ZFHX3: variants seen among roughly 807,000 people sequenced by gnomAD.
The protein encoded by ZFHX3 is zinc finger homeobox protein 3.
Under a neutral mutation model 279.1 loss-of-function variants are expected in ZFHX3, and 42 were observed. The observed-to-expected ratio is 0.15, with a 90% CI of 0.12 to 0.19. The LOEUF is 0.19. Ranked by LOEUF, ZFHX3 falls within the 10% of genes least tolerant of loss-of-function variation. The probability of loss-of-function intolerance (pLI) is 1.00; values close to 1 mark genes in which losing one functional copy is unlikely to be tolerated. For missense variants in ZFHX3, 4,981 were observed against 4,754.0 expected (o/e 1.05, Z -1.40); for synonymous variants, 2,293 against 1,957.8 (o/e 1.17, Z -4.52).
chr16:73,516,732 C>A (rs1364426137), intron 2 of ZFHX3, among the ~76,000 whole-genome samples: 2 of 152,184 alleles, frequency 1.3e-5, no homozygotes, highest in African/African-American at 4.8e-5. Flanking sequence ...AGTGCAGGAG[C>A]TCTGTCTGAC....
rs73600850 is a variant in ZFHX3, at chr16:73,510,948, T to C, written c.-1546-54690A>G. Among the ~76,000 whole-genome samples the C allele has an allele frequency of 1.1e-3, 161 of 152,358 alleles. 1 individual carries two copies. Among genetic ancestry groups the C allele is most frequent in the African/African-American group, 3.7e-3 (153 of 41,592 alleles). Reference sequence around the variant, plus strand: ...TTCTAGCAATTAATGTGATGGTTAATTATGCACAGGCTTTGACCAGATTTT... The same window carrying C: ...TTCTAGCAATTAATGTGATGGTTAACTATGCACAGGCTTTGACCAGATTTT... On this transcript the variant is annotated intron_variant, in intron 2 of 17. Coordinates refer to the ZFHX3 transcript ENST00000641206.
chr16:73,556,820 G>A (rs2020290431), intron 2 of ZFHX3, among the ~76,000 whole-genome samples: 1 of 151,794 alleles, frequency 6.6e-6, no homozygotes, highest in Admixed American at 6.6e-5. Flanking sequence ...GTGAGGCCGG[G>A]CGCGGTGGCT....
rs540537743 is a variant in ZFHX3 at position 73,008,089 on chromosome 16, A to G, written c.-50+39663T>C. Among the ~76,000 whole-genome samples the G allele has an allele frequency of 9.9e-5, 15 of 152,260 alleles. No individual in the cohort carries two copies. In the East Asian group the frequency reaches 2.7e-3, roughly 27 times the overall value. ...TTTTATCTGTTTTTCTAATTCATTA[A>G]TATCACTTTTATCTTACAATTCTTT... On this transcript the variant is annotated intron_variant, in intron 1 of 9. Coordinates refer to ENST00000268489, the MANE Select transcript of ZFHX3 (RefSeq NM_006885.4).
chr16:73,157,045 G>C (rs568114264), intron 5 of ZFHX3, among the ~76,000 whole-genome samples: 2 of 151,716 alleles, frequency 1.3e-5, no homozygotes, highest in Admixed American at 6.6e-5. Flanking sequence ...TTGTAGAGAC[G>C]AGTTCTCACT....
At chr16:73,256,495 G>T (rs2013665367) in intron 5 of ZFHX3, among the ~76,000 whole-genome samples, 1 of 152,188 alleles carries the variant, frequency 6.6e-6, no homozygotes, top group African/African-American at 2.4e-5. Flanking sequence ...TTCAAAAAAA[G>T]CAGATTTCTG....
chr16:73,375,077 CCTT>C (rs147754164), intron 3 of ZFHX3, among the ~76,000 whole-genome samples: 3,505 of 152,230 alleles, frequency 0.023, 141 homozygotes, highest in African/African-American at 0.08. Context: ...TCCTCCTTCT[CCTT>C]CTCTTCTTCC....
chr16:73,850,899 T>C (rs1484667363), intron 1 of ZFHX3, among the ~76,000 whole-genome samples: 4 of 152,124 alleles, frequency 2.6e-5, no homozygotes, highest in Non-Finnish European at 5.9e-5. Flanking sequence ...GCATCTGCCA[T>C]GGAGAAAAGC....
Position 73,493,509 on chromosome 16 carries a change from G to A in ZFHX3, c.-1546-37251C>T, listed in dbSNP as rs1391234586. On this transcript the variant is annotated intron_variant, in intron 2 of 17. Coordinates refer to the ZFHX3 transcript ENST00000641206. Reference sequence around the variant, plus strand: ...AATTTATAATCCAAATGAGTGAGATGAAGTAAACTCAGTAATAGCTAGATT... The same window carrying A: ...AATTTATAATCCAAATGAGTGAGATAAAGTAAACTCAGTAATAGCTAGATT... Among the ~76,000 whole-genome samples, 2 of 152,180 alleles carry A rather than the reference G, an allele frequency of 1.3e-5. 1 individual carries two copies. Among genetic ancestry groups the A allele is most frequent in the Non-Finnish European group, 2.9e-5 (2 of 68,028 alleles).
At chr16:73,380,507 C>T (rs2016802255) in intron 3 of ZFHX3, among the ~76,000 whole-genome samples, 1 of 152,082 alleles carries the variant, frequency 6.6e-6, no homozygotes, top group African/African-American at 2.4e-5. Context: ...TATCTGAATA[C>T]CTAGAAAGCC....
chr16:73,891,748 C>CTCTCTG (rs2030545931), exon 1 of ZFHX3: 3 of 148,598 alleles, frequency 2.0e-5, no homozygotes, highest in African/African-American at 7.4e-5. Flanking sequence ...TTCTCTCTCT[C>CTCTCTG]TCTCTCTCTC....
chr16:73,450,438 G>A (rs1396294181), intron 3 of ZFHX3, among the ~76,000 whole-genome samples: 7 of 151,330 alleles, frequency 4.6e-5, no homozygotes, highest in Non-Finnish European at 8.8e-5. Context: ...TTTATGTAGC[G>A]GACATGTGTC....
chr16:73,430,250 A>G (rs1251204989), intron 3 of ZFHX3, among the ~76,000 whole-genome samples: 1 of 152,168 alleles, frequency 6.6e-6, no homozygotes, highest in East Asian at 1.9e-4. Context: ...TGCCAGGTAC[A>G]CTAGAATGCC....
chr16:73,702,337 G>A (rs112358184), intron 1 of ZFHX3, among the ~76,000 whole-genome samples: 2 of 152,080 alleles, frequency 1.3e-5, no homozygotes, highest in African/African-American at 4.8e-5. Context: ...ACATTTGATT[G>A]GCAGCATCAG....
At chr16:73,301,062 C>T (rs1214036869) in intron 4 of ZFHX3, among the ~76,000 whole-genome samples, 6 of 152,282 alleles carry the variant, frequency 3.9e-5, no homozygotes, top group Middle Eastern at 6.8e-3. Context: ...TCTGGACACT[C>T]GATGGCATCT....
intron 2 of ZFHX3, among the ~76,000 whole-genome samples, chr16:73,593,841 C>A (rs2052023073): frequency 6.6e-6 from 1 of 152,154 alleles, no homozygotes; most frequent in Non-Finnish European, 1.5e-5. Flanking sequence ...TGATAAAACT[C>A]AAATCTATTT....
At chr16:73,409,277 T>C (rs947667277) in intron 3 of ZFHX3, among the ~76,000 whole-genome samples, 8 of 152,168 alleles carry the variant, frequency 5.3e-5, no homozygotes, top group Admixed American at 4.6e-4. Context: ...GGAGAAGAGA[T>C]ATCCTGGCTG....
At chr16:73,571,240 T>TC (rs2051731347) in intron 2 of ZFHX3, among the ~76,000 whole-genome samples, 1 of 151,930 alleles carries the variant, frequency 6.6e-6, no homozygotes, top group Non-Finnish European at 1.5e-5. Context: ...TGCATTTTTT[T>TC]CCTCATTCGC....
At chr16:73,404,415 G>A (rs967732440) in intron 3 of ZFHX3, among the ~76,000 whole-genome samples, 2 of 152,152 alleles carry the variant, frequency 1.3e-5, no homozygotes, top group African/African-American at 4.8e-5. Flanking sequence ...CTCTATCTGC[G>A]CAGAGGAAAA....
At chr16:73,869,098 C>T (rs1186804883) in intron 1 of ZFHX3, among the ~76,000 whole-genome samples, 2 of 152,106 alleles carry the variant, frequency 1.3e-5, no homozygotes, top group East Asian at 3.9e-4. Flanking sequence ...CATTAACCTC[C>T]CCAGTAGCTA....
Sources: gnomAD v4.1 joint callset for allele counts (sites outside exome capture counted in the v4.1 genomes callset) on GRCh38, gnomAD v4.1.1 for gene constraint, MANE v1.5 for transcripts, NCBI Gene and HGNC (gene_info 2026-07-23, HGNC 2026-07-21) for gene names.